TUFT1: variants seen among roughly 807,000 people sequenced by gnomAD.
The protein encoded by TUFT1 is tuftelin.
In TUFT1, 43 loss-of-function variants were observed where a neutral mutation model predicts 57.8. The observed-to-expected ratio is 0.74, with a 90% CI of 0.58 to 0.96. The LOEUF (loss-of-function observed/expected upper bound fraction) is 0.96, where lower values mean the gene tolerates loss of function less well. TUFT1 is among the 40% of genes least tolerant of loss of function. TUFT1 has a pLI of 0.00. For synonymous variants in TUFT1, 166 were observed against 176.7 expected (o/e 0.94, Z 0.48); for missense variants, 459 against 489.0 (o/e 0.94, Z 0.58).
chr1:151,564,267 G>A (rs1402417797), intron 4 of TUFT1, among the ~76,000 whole-genome samples: 1 of 151,994 alleles, frequency 6.6e-6, no homozygotes, highest in Non-Finnish European at 1.5e-5. Context: ...TCCCTTCCTG[G>A]CTCGTGTTTC....
chr1:151,566,916 T>TGATG (rs1394115229), intron 6 of TUFT1, among the ~76,000 whole-genome samples: 1 of 152,052 alleles, frequency 6.6e-6, no homozygotes, highest in African/African-American at 2.4e-5. Context: ...ATTGATTGAC[T>TGATG]GATTGATTGA....
chr1:151,555,774 C>T (rs1665676353), intron 1 of TUFT1, among the ~76,000 whole-genome samples: 6 of 109,246 alleles, frequency 5.5e-5, no homozygotes, highest in Admixed American at 2.0e-4. Context: ...GAGACTCCGT[C>T]TCAAAAAAAA....
chr1:151,540,398 T>G lies in TUFT1; in HGVS notation c.32T>G (p.Val11Gly). 1 of 1,614,186 alleles carries G rather than the reference T, an allele frequency of 6.2e-7. No homozygotes were observed. Among genetic ancestry groups the G allele is most frequent in the Non-Finnish European group, 8.5e-7 (1 of 1,180,000 alleles). MNGTRNWCTLVDVHPEDQAAG... is the reference protein window; with the variant it reads MNGTRNWCTLGDVHPEDQAAG... ...GGGACGCGGAACTGGTGTACCCTGG[T>G]GGACGTGCACCCAGAGGACCAGGCG... Residue 11 changes from valine to glycine, a missense_variant, in exon 1 of 13, where the codon GTG becomes GGG. Physicochemically the swap from Val to Gly is moderately radical, Grantham distance 109. Transcript: ENST00000368849.
chr1:151,579,937 C>T (rs1371802259), intron 11 of TUFT1, among the ~76,000 whole-genome samples: 1 of 152,128 alleles, frequency 6.6e-6, no homozygotes, highest in Non-Finnish European at 1.5e-5. Context: ...ATGAGATGAC[C>T]ACCCCCCTGG....
rs1261915438 is a variant in TUFT1, at chr1:151,563,906, G to A, written c.240G>A (p.Val80=). The A allele has an allele frequency of 1.2e-6, 2 of 1,613,808 alleles. No individual in the cohort carries two copies. The highest frequency in any genetic ancestry group is 8.5e-7 in the Non-Finnish European group (1 of 1,179,710). ...ACTAAATGGTGTTCTTATTTCAGGT[G>A]TACTTGAAGGGGAGGTCTGGAGACA... ...SHDGHEEIIK[V]YLKGRSGDKM... is the part of the protein sequence containing the mutation. The change falls in exon 4 of 13, where the codon GTG becomes GTA. Residue 80 remains valine, a splice_region_variant and synonymous_variant. Transcript: ENST00000368849.
intron 1 of TUFT1, chr1:151,557,892 C>G (rs1665763572): frequency 1.8e-5 from 13 of 716,074 alleles, no homozygotes; most frequent in South Asian, 1.6e-4. Context: ...CAACCGAATT[C>G]CAGTTTAGAG....
At chr1:151,580,381 C>T (rs1307211742) in intron 11 of TUFT1, among the ~76,000 whole-genome samples, 1 of 151,992 alleles carries the variant, frequency 6.6e-6, no homozygotes, top group Non-Finnish European at 1.5e-5. Context: ...TATATAGGGG[C>T]CAGGTGCAGT....
At chr1:151,561,324 C>T (rs1665881222) in intron 1 of TUFT1, among the ~76,000 whole-genome samples, 1 of 151,824 alleles carries the variant, frequency 6.6e-6, no homozygotes, top group African/African-American at 2.4e-5. Flanking sequence ...CTTTGAAGCC[C>T]GGGCAACATG....
chr1:151,547,592 GA>G (rs1393118179), intron 1 of TUFT1, among the ~76,000 whole-genome samples: 1 of 152,180 alleles, frequency 6.6e-6, no homozygotes, highest in Non-Finnish European at 1.5e-5. Flanking sequence ...GATGAAGGAA[GA>G]AAAGAGACGT....
At chr1:151,550,430 C>T (rs1401963203) in intron 1 of TUFT1, among the ~76,000 whole-genome samples, 2 of 152,110 alleles carry the variant, frequency 1.3e-5, no homozygotes, top group African/African-American at 4.8e-5. Context: ...CTGCAGCCTC[C>T]GCCCCTTGGG....
chr1:151,546,370 A>C (rs1665340161), intron 1 of TUFT1, among the ~76,000 whole-genome samples: 1 of 152,220 alleles, frequency 6.6e-6, no homozygotes, highest in East Asian at 1.9e-4. Flanking sequence ...TTTTATGAAC[A>C]GCTTTATTGA....
intron 11 of TUFT1, among the ~76,000 whole-genome samples, chr1:151,580,451 A>G (rs941602170): frequency 5.9e-5 from 9 of 152,104 alleles, no homozygotes; most frequent in African/African-American, 2.2e-4. Flanking sequence ...GCTCGAGGCC[A>G]GGAGTTCAAG....
intron 7 of TUFT1, among the ~76,000 whole-genome samples, chr1:151,572,038 C>CA (rs1304029293): frequency 2.0e-5 from 3 of 151,838 alleles, no homozygotes; most frequent in Admixed American, 6.6e-5. Context: ...CTCATCTCTA[C>CA]AAAAATAAAA....
chr1:151,558,150 AGGTCT>A (rs1665774202), intron 1 of TUFT1, among the ~76,000 whole-genome samples: 1 of 151,972 alleles, frequency 6.6e-6, no homozygotes, highest in African/African-American at 2.4e-5. Context: ...CTTTTAGTGT[AGGTCT>A]GCTGGTGAGA....
intron 1 of TUFT1, among the ~76,000 whole-genome samples, chr1:151,558,889 A>T (rs1665797320): frequency 6.6e-6 from 1 of 150,890 alleles, no homozygotes; most frequent in Admixed American, 6.6e-5. Context: ...GGTTCAAGCG[A>T]TTCTCCTGCC....
chr1:151,565,384 A>G (rs1666035082), intron 5 of TUFT1, among the ~76,000 whole-genome samples: 1 of 152,276 alleles, frequency 6.6e-6, no homozygotes, highest in Admixed American at 6.5e-5. Flanking sequence ...GTTCAGGCAG[A>G]GTCTTGCTCC....
intron 1 of TUFT1, among the ~76,000 whole-genome samples, chr1:151,555,650 G>A (rs1238033525): frequency 2.0e-5 from 3 of 151,328 alleles, no homozygotes; most frequent in African/African-American, 4.9e-5. Context: ...TGTGGTGGGT[G>A]CCTATAGTCC....
chr1:151,580,595 G>A (rs1174344248), intron 11 of TUFT1, among the ~76,000 whole-genome samples: 2 of 149,840 alleles, frequency 1.3e-5, no homozygotes, highest in African/African-American at 2.5e-5. Context: ...CCAGGAGGTC[G>A]AGGCTGCAGT....
At chr1:151,577,823 G>C (rs1424879558) in intron 9 of TUFT1, among the ~76,000 whole-genome samples, 1 of 152,014 alleles carries the variant, frequency 6.6e-6, no homozygotes, top group Non-Finnish European at 1.5e-5. Flanking sequence ...AAGAGTTCGA[G>C]ATCAGCCTGG....
Sources: gnomAD v4.1 joint callset for allele counts (sites outside exome capture counted in the v4.1 genomes callset) on GRCh38, gnomAD v4.1.1 for gene constraint, MANE v1.5 for transcripts, NCBI Gene and HGNC (gene_info 2026-07-23, HGNC 2026-07-21) for gene names.